ZNF385B: variants seen among roughly 807,000 people sequenced by gnomAD.
ZNF385B encodes zinc finger protein 385B, also known as zinc finger protein 533.
In ZNF385B, 23 loss-of-function variants were observed where a neutral mutation model predicts 39.2. The observed-to-expected ratio is 0.59, with a 90% CI of 0.42 to 0.83. ZNF385B has a LOEUF of 0.83. Among genes scored for constraint, ZNF385B ranks in the 40% least tolerant of loss-of-function variants. The pLI is 0.00. For synonymous variants in ZNF385B, 205 were observed against 222.6 expected (o/e 0.92, Z 0.70); for missense variants, 552 against 598.9 (o/e 0.92, Z 0.82).
chr2:179,741,034 T>C (rs1174867960), intron 3 of ZNF385B, among the ~76,000 whole-genome samples: 1 of 152,176 alleles, frequency 6.6e-6, no homozygotes. Flanking sequence ...TATGGTTTTG[T>C]AAGAAGTACT....
chr2:179,622,778 A>G (rs532117331), intron 3 of ZNF385B, among the ~76,000 whole-genome samples: 1 of 152,246 alleles, frequency 6.6e-6, no homozygotes, highest in African/African-American at 2.4e-5. Context: ...CTAAGAGGAG[A>G]CAGAAAGGAG....
intron 1 of ZNF385B, among the ~76,000 whole-genome samples, chr2:179,845,380 A>G (rs1342097957): frequency 6.6e-6 from 1 of 152,180 alleles, no homozygotes; most frequent in Non-Finnish European, 1.5e-5. Flanking sequence ...CCAGTCTAAA[A>G]AGATGAAAAA....
At chr2:179,576,180 C>T (rs1574869017) in intron 3 of ZNF385B, 2 of 985,370 alleles carry the variant, frequency 2.0e-6, no homozygotes, top group Non-Finnish European at 2.4e-6. Context: ...AGTTCAGACC[C>T]TCATCTCTTC....
intron 5 of ZNF385B, among the ~76,000 whole-genome samples, chr2:179,490,779 C>A (rs1320518323): frequency 2.0e-5 from 3 of 152,134 alleles, no homozygotes; most frequent in African/African-American, 7.2e-5. Context: ...TACATTTCTT[C>A]CCCTAGATAT....
At position 179,812,263 on chromosome 2, in the gene ZNF385B, C is replaced by T. The variant is rs554621366; in HGVS notation, c.-154-41591G>A. On this transcript the variant is annotated intron_variant, in intron 1 of 9. Coordinates refer to ENST00000410066, the MANE Select transcript of ZNF385B (RefSeq NM_152520.6). ...CTCAAAGAACCTAAAACAGAACTAC[C>T]GTTTAACCCAGCAATCCCATTACTG... is the stretch of plus-strand genomic sequence containing the variant. Among the ~76,000 whole-genome samples, 8 of 152,214 alleles carry T rather than the reference C, an allele frequency of 5.3e-5. No homozygotes were observed. The South Asian group carries it at 1.2e-3, about 24-fold the overall frequency.
intron 1 of ZNF385B, among the ~76,000 whole-genome samples, chr2:179,833,867 T>C (rs368470809): frequency 6.6e-6 from 1 of 152,170 alleles, no homozygotes; most frequent in African/African-American, 2.4e-5. Context: ...CGTATGACTT[T>C]ATATCATCAA....
intron 3 of ZNF385B, among the ~76,000 whole-genome samples, chr2:179,596,570 A>G (rs1688015483): frequency 6.6e-6 from 1 of 152,156 alleles, no homozygotes; most frequent in South Asian, 2.1e-4. Context: ...CAACATTCTT[A>G]AGGTTTACTG....
chr2:179,655,150 G>A (rs1327542298), intron 3 of ZNF385B, among the ~76,000 whole-genome samples: 1 of 152,140 alleles, frequency 6.6e-6, no homozygotes, highest in African/African-American at 2.4e-5. Context: ...CTGGATAAAT[G>A]TGTTGCCTAC....
At chr2:179,446,949 C>T (rs773597080) in intron 6 of ZNF385B, among the ~76,000 whole-genome samples, 179 bp from the exon 7 acceptor site, 4 of 152,118 alleles carry the variant, frequency 2.6e-5, no homozygotes, top group Non-Finnish European at 4.4e-5. Context: ...GAACACTATG[C>T]CATCAGTTTC....
chr2:179,805,996 T>C (rs187712087), intron 1 of ZNF385B, among the ~76,000 whole-genome samples: 34 of 152,320 alleles, frequency 2.2e-4, no homozygotes, highest in Admixed American at 2.2e-3. Flanking sequence ...GTATCTTTAA[T>C]AGCTTGGCTT....
intron 5 of ZNF385B, among the ~76,000 whole-genome samples, chr2:179,503,551 TATTTTACAAATATAGACATTC>T (rs2056954638): frequency 1.3e-5 from 2 of 152,272 alleles, no homozygotes; most frequent in African/African-American, 4.8e-5. Flanking sequence ...AATTCTATTC[TATTTTACAAATATAGACATTC>T]ATCATTTGCT....
chr2:179,818,095 T>C (rs919171146), intron 1 of ZNF385B, among the ~76,000 whole-genome samples: 1 of 152,100 alleles, frequency 6.6e-6, no homozygotes, highest in Non-Finnish European at 1.5e-5. Flanking sequence ...GTTGTGTGTG[T>C]CAGCCCAAGT....
intron 3 of ZNF385B, among the ~76,000 whole-genome samples, chr2:179,600,260 A>G (rs1688309921): frequency 6.6e-6 from 1 of 152,006 alleles, no homozygotes; most frequent in African/African-American, 2.4e-5. Flanking sequence ...AATTGCAACA[A>G]TGGGCTCAAT....
chr2:179,808,928 C>T (rs764040136), intron 1 of ZNF385B, among the ~76,000 whole-genome samples: 1 of 152,094 alleles, frequency 6.6e-6, no homozygotes, highest in Non-Finnish European at 1.5e-5. Flanking sequence ...GAAAAATATG[C>T]CATAGGACAG....
At chr2:179,634,993 A>AAAAAAAAAAAAAAAAT (rs1166340577) in intron 3 of ZNF385B, among the ~76,000 whole-genome samples, 1 of 140,412 alleles carries the variant, frequency 7.1e-6, no homozygotes, top group Non-Finnish European at 1.5e-5. Context: ...AAAAAAAAAA[A>AAAAAAAAAAAAAAAAT]TAGCCAGGCG....
chr2:179,580,051 T>C (rs1003939123), intron 3 of ZNF385B, among the ~76,000 whole-genome samples: 2 of 152,164 alleles, frequency 1.3e-5, no homozygotes, highest in African/African-American at 4.8e-5. Context: ...GTTAATCAAC[T>C]ATTAGTCCTA....
intron 3 of ZNF385B, among the ~76,000 whole-genome samples, chr2:179,743,565 C>T (rs1046318877): frequency 1.7e-4 from 26 of 152,132 alleles, no homozygotes; most frequent in African/African-American, 6.3e-4. Flanking sequence ...CAAATATGTA[C>T]TCTATTCCAC....
chr2:179,483,603 G>C (rs1234505647), intron 5 of ZNF385B, among the ~76,000 whole-genome samples, 169 bp from the exon 6 acceptor site: 2 of 152,116 alleles, frequency 1.3e-5, no homozygotes, highest in African/African-American at 4.8e-5. Flanking sequence ...TCCTAAGAGG[G>C]TGTAGCATAT....
chr2:179,464,417 T>C (rs1000043071), intron 6 of ZNF385B, among the ~76,000 whole-genome samples: 2 of 152,194 alleles, frequency 1.3e-5, no homozygotes, highest in Admixed American at 1.3e-4. Context: ...ACATGAAGTC[T>C]TTGCCCATGC....
Sources: gnomAD v4.1 joint callset for allele counts (sites outside exome capture counted in the v4.1 genomes callset) on GRCh38, gnomAD v4.1.1 for gene constraint, MANE v1.5 for transcripts, NCBI Gene and HGNC (gene_info 2026-07-23, HGNC 2026-07-21) for gene names.